The following SPTBN2 variants were observed in gnomAD, a reference collection of about 807,000 sequenced individuals.
SPTBN2 encodes spectrin beta chain, non-erythrocytic 2.
A neutral mutation model predicts 284.2 loss-of-function variants in SPTBN2; 107 were observed. The ratio of observed to expected loss-of-function variants is 0.38; its 90% CI spans 0.32 to 0.44. The LOEUF (loss-of-function observed/expected upper bound fraction) is 0.44, where lower values mean the gene tolerates loss of function less well. Among genes scored for constraint, SPTBN2 ranks in the 20% least tolerant of loss-of-function variants. The probability of loss-of-function intolerance (pLI) is 1.00; values close to 1 mark genes in which losing one functional copy is unlikely to be tolerated. For synonymous variants in SPTBN2, 1,289 were observed against 1,354.8 expected (o/e 0.95, Z 1.07); for missense variants, 2,569 against 3,287.1 (o/e 0.78, Z 5.34).
At chr11:66,722,111 G>A (rs1942432962) in intron 1 of SPTBN2, among the ~76,000 whole-genome samples, 1 of 152,196 alleles carries the variant, frequency 6.6e-6, no homozygotes, top group Non-Finnish European at 1.5e-5. Context: ...GACACAGTAT[G>A]CTTCTCTCCG....
chr11:66,693,877 G>T lies in SPTBN2; in HGVS notation c.4504-16C>A. 1 of 1,612,480 alleles carries T rather than the reference G, an allele frequency of 6.2e-7. No homozygotes were observed. The highest frequency in any genetic ancestry group is 1.1e-5 in the South Asian group (1 of 90,804). ...TCACCCACAACTGGAAGAGGAAGAG[G>T]GGGTCAGTGGAGGCCCAGAGGGCAA... On this transcript the variant is annotated splice_polypyrimidine_tract_variant and intron_variant, in intron 22 of 37. Coordinates refer to ENST00000533211, the MANE Select transcript of SPTBN2 (RefSeq NM_006946.4). The surrounding 1 kb of genome is among the most constrained non-coding windows in gnomAD (Gnocchi z 5.7).
Position 66,708,299 on chromosome 11 carries a change from C to G in SPTBN2, c.1192G>C (p.Ala398Pro). 6.3e-7 allele frequency: 1 copy of G among 1,589,138 alleles called. No homozygotes were observed. The highest frequency in any genetic ancestry group is 8.6e-7 in the Non-Finnish European group (1 of 1,164,062). The change falls in exon 12 of 38, where the codon GCT (alanine) becomes CCT (proline). Residue 398 changes from alanine (A) to proline (P), a missense_variant and splice_region_variant. Transcript: ENST00000533211. This position sits in a 1 kb window ranked among gnomAD's most constrained non-coding sequence, Gnocchi z 4.4. ...TCCGCCTTCTCCAGCCGCTCCCAAG[C>G]CTATGGGGTGGGGACAGGGTTAGTG... ...EGRLISDINK[A>P]WERLEKAEHE...
exon 1 of SPTBN2, chr11:66,744,639 C>T (rs746355242): frequency 2.9e-6 from 1 of 342,472 alleles, no homozygotes; most frequent in East Asian, 1.0e-4. Context: ...CTAGGTGGCT[C>T]CCGGCGGCGG....
chr11:66,687,547 T>A lies in SPTBN2; in HGVS notation c.6602A>T (p.Glu2201Val). Reference protein sequence around the residue: ...PSAMPQSRSTESAHAATLPPR... With the variant: ...PSAMPQSRSTVSAHAATLPPR... ...CGGCAGGGTGGCAGCATGGGCTGAC[T>A]CGGTAGACCTGCTCTGGGGCATTGC... is the stretch of plus-strand genomic sequence containing the variant. Residue 2201 changes from glutamate to valine, a missense_variant, in exon 35 of 38, where the codon GAG (glutamate) becomes GTG (valine). By Grantham distance (121) the Glu-to-Val change is moderately radical (BLOSUM62 -2). Transcript: ENST00000533211. This position sits in a 1 kb window ranked among gnomAD's most constrained non-coding sequence, Gnocchi z 5.2. The A allele has an allele frequency of 1.2e-6, 2 of 1,612,258 alleles. No individual in the cohort carries two copies. The highest frequency in any genetic ancestry group is 1.7e-6 in the Non-Finnish European group (2 of 1,179,972).
At position 66,693,259 on chromosome 11, in the gene SPTBN2, T is replaced by A. The variant is rs1399152503; in HGVS notation, c.4781A>T (p.Tyr1594Phe). 3 of 1,614,112 alleles carry A rather than the reference T, an allele frequency of 1.9e-6. No individual in the cohort carries two copies. Among genetic ancestry groups the A allele is most frequent in the South Asian group, 2.2e-5 (2 of 91,086 alleles). ...GGCCTCCGCCTCGGCGGCATCGCGG[T>A]AGAACTGCTGGGCTCGCAGGGCATC... ...LEDALRAQQF[Y>F]RDAAEAEAWM... Residue 1594 changes from tyrosine to phenylalanine, a missense_variant, in exon 24 of 38, where the codon TAC (tyrosine) becomes TTC (phenylalanine). This residue lies in a region of SPTBN2 where 1,130 missense variants were observed against 1,317.3 expected (regional missense o/e 0.86). Coordinates refer to ENST00000533211, the MANE Select transcript of SPTBN2 (RefSeq NM_006946.4). This position sits in a 1 kb window ranked among gnomAD's most constrained non-coding sequence, Gnocchi z 5.7.
In SPTBN2 at chr11:66,708,394, G is replaced by A. The variant is rs1342096316; in HGVS notation, c.1192-95C>T. 9 of 1,274,302 alleles carry A rather than the reference G, an allele frequency of 7.1e-6. No individual in the cohort carries two copies. Among genetic ancestry groups the A allele is most frequent in the South Asian group, 3.1e-5 (2 of 64,334 alleles). The allele number at this position is 1,274,302 out of a possible 1,614,324, so 78.9% of individuals were successfully genotyped here. A position where few individuals can be genotyped will look rare whatever the true frequency, so the allele number is the denominator to read the frequency against. On this transcript the variant is annotated intron_variant, in intron 11 of 37. Transcript: ENST00000533211. The surrounding 1 kb of genome is among the most constrained non-coding windows in gnomAD (Gnocchi z 4.4). ...GTAAGTCCCATGGAAGCTCGGTCTG[G>A]TGGATCCGTGGAATGCAGTGGGTGA...
At chr11:66,739,830 G>A (rs1488205027) in intron 1 of SPTBN2, among the ~76,000 whole-genome samples, 1 of 152,164 alleles carries the variant, frequency 6.6e-6, no homozygotes, top group African/African-American at 2.4e-5. Flanking sequence ...TCAGGTGTTC[G>A]AGACCAGCCT....
At position 66,715,965 on chromosome 11, in the gene SPTBN2, C is replaced by A. The variant is rs775374176; in HGVS notation, c.174G>T (p.Val58=). 1.2e-6 allele frequency: 2 copies of A among 1,613,998 alleles called. No individual in the cohort carries two copies. The highest frequency in any genetic ancestry group is 2.2e-5 in the South Asian group (2 of 91,060). Residue 58 remains valine, a synonymous_variant, in exon 4 of 38, where the codon GTG becomes GTT. Coordinates refer to ENST00000533211, the MANE Select transcript of SPTBN2 (RefSeq NM_006946.4). This position sits in a 1 kb window ranked among gnomAD's most constrained non-coding sequence, Gnocchi z 5.3. ...IKALADEREA[V]QKKTFTKWVN... ...CCCACTTGGTGAAGGTTTTCTTCTG[C>A]ACAGCTTCTCGTTCATCTGTGGTGG...
chr11:66,690,388 A>G, intron 27 of SPTBN2, 105 bp from the exon 28 acceptor site: 1 of 1,424,776 alleles, frequency 7.0e-7, no homozygotes. Context: ...CTCACAGCCA[A>G]AGAAGCAGGG....
intron 1 of SPTBN2, among the ~76,000 whole-genome samples, chr11:66,734,881 T>C (rs1942841584): frequency 6.6e-6 from 1 of 152,204 alleles, no homozygotes; most frequent in Non-Finnish European, 1.5e-5. Flanking sequence ...ATTTCTTTTA[T>C]CCCTAATCTA....
At chr11:66,688,552 T>C in intron 31 of SPTBN2, 101 bp downstream of exon 31, 6 of 1,518,490 alleles carry the variant, frequency 4.0e-6, no homozygotes, top group Non-Finnish European at 5.4e-6. Context: ...TGGGGGCCAC[T>C]GGTGCAGTGG....
At chr11:66,721,491 A>G (rs972596664) in intron 1 of SPTBN2, 51 bp from the exon 2 acceptor site, 1 of 552,536 alleles carries the variant, frequency 1.8e-6, no homozygotes, top group African/African-American at 1.9e-5. Context: ...GGAAGGCAGC[A>G]GCAGCTCAGA....
chr11:66,703,978 T>A (rs1487216397), intron 15 of SPTBN2, among the ~76,000 whole-genome samples: 2 of 145,408 alleles, frequency 1.4e-5, no homozygotes, highest in Non-Finnish European at 3.0e-5. Flanking sequence ...TTTTCTTTTT[T>A]TTTTTTTTTT....
In SPTBN2 at chr11:66,693,122, T is replaced by C. The variant is rs768615811; in HGVS notation, c.4855-22A>G. On this transcript the variant is annotated intron_variant, in intron 24 of 37. Transcript: ENST00000533211. This position sits in a 1 kb window ranked among gnomAD's most constrained non-coding sequence, Gnocchi z 5.7. Reference sequence around the variant, plus strand: ...CATCCTGGGGGAAGGGACAGTGGCATCCAGCATCAGGTCAGGGGAGGGCAG... The same window carrying C: ...CATCCTGGGGGAAGGGACAGTGGCACCCAGCATCAGGTCAGGGGAGGGCAG... The C allele has an allele frequency of 3.1e-6, 5 of 1,614,216 alleles. No homozygotes were observed. The Admixed American group carries it at 8.3e-5, about 27-fold the overall frequency.
rs1259028727 is a variant in SPTBN2, at chr11:66,699,458, C to T, written c.3724G>A (p.Gly1242Ser). The T allele has an allele frequency of 1.9e-6, 3 of 1,614,006 alleles. No individual in the cohort carries two copies. The highest frequency in any genetic ancestry group is 2.2e-5 in the South Asian group (2 of 91,080). Residue 1242 changes from glycine (G) to serine (S), a missense_variant, in exon 18 of 38, where the codon GGC (glycine) becomes AGC (serine). Gly to Ser is a moderately conservative substitution (Grantham distance 56, BLOSUM62 0). Coordinates refer to ENST00000533211, the MANE Select transcript of SPTBN2 (RefSeq NM_006946.4). ...LEAGRQLVSE[G>S]NIHADKIREK... ...CGAATCTTGTCGGCGTGGATGTTGC[C>T]TTCAGATACCAGCTGGCGGCCAGCC...
In SPTBN2 at chr11:66,693,810, C is replaced by A; in HGVS notation, c.4555G>T (p.Asp1519Tyr). 1 of 1,613,898 alleles carries A rather than the reference C, an allele frequency of 6.2e-7. No individual in the cohort carries two copies. Among genetic ancestry groups the A allele is most frequent in the Non-Finnish European group, 8.5e-7 (1 of 1,179,924 alleles). Residue 1519 changes from aspartate to tyrosine, a missense_variant, in exon 23 of 38, where the codon GAC becomes TAC. Physicochemically the swap from Asp to Tyr is radical, Grantham distance 160 (BLOSUM62 -3). This residue lies in a region of SPTBN2 where 1,130 missense variants were observed against 1,317.3 expected (regional missense o/e 0.86). Transcript: ENST00000533211. This position sits in a 1 kb window ranked among gnomAD's most constrained non-coding sequence, Gnocchi z 5.7. ...PMASSMEHGK[D>Y]LPSVQLLMKK... Reference sequence around the variant, plus strand: ...ATGAGAAGCTGGACGCTGGGCAGGTCCTTGCCATGCTCCATGGAGCTGGCC... The same window carrying A: ...ATGAGAAGCTGGACGCTGGGCAGGTACTTGCCATGCTCCATGGAGCTGGCC...
chr11:66,694,304 G>C lies in SPTBN2; in HGVS notation c.4338C>G (p.Ala1446=), dbSNP rs202161077. The part of the protein sequence containing the change: ...EKEVEAIQAQ[A]KALAQEDQGA... ...CCTGGTCCTCCTGGGCCAGTGCTTT[G>C]GCCTGGGCCTGGATTGCCTCCACCT... The change falls in exon 22 of 38, where the codon GCC becomes GCG. Residue 1446 remains alanine (A), a synonymous_variant. Coordinates refer to ENST00000533211, the MANE Select transcript of SPTBN2 (RefSeq NM_006946.4). 6.2e-7 allele frequency: 1 copy of C among 1,614,186 alleles called. No individual in the cohort carries two copies. Among genetic ancestry groups the C allele is most frequent in the Admixed American group, 1.7e-5 (1 of 60,020 alleles).
intron 10 of SPTBN2, among the ~76,000 whole-genome samples, chr11:66,709,586 TTTTTC>T (rs1941753187): frequency 6.6e-6 from 1 of 152,268 alleles, no homozygotes; most frequent in Admixed American, 6.5e-5. Context: ...CCATGACTTA[TTTTTC>T]TTTTCTAGTG....
chr11:66,694,442 A>C, intron 21 of SPTBN2, 79 bp from the exon 22 acceptor site: 1 of 1,431,860 alleles, frequency 7.0e-7, no homozygotes, highest in Non-Finnish European at 9.5e-7. Flanking sequence ...ACCAGTCTCT[A>C]TCCAGCCCAC....
Sources: allele counts gnomAD v4.1 joint callset (sites outside exome capture counted in the v4.1 genomes callset), GRCh38; gene constraint gnomAD v4.1.1; regional missense constraint gnomAD v4.1.1; non-coding constraint Gnocchi (gnomAD v3.1); transcripts MANE v1.5; gene names NCBI Gene and HGNC (gene_info 2026-07-23, HGNC 2026-07-21).